PAPPA2: variants seen among roughly 807,000 people sequenced by gnomAD.
The protein encoded by PAPPA2 is pappalysin 2.
In PAPPA2, 86 loss-of-function variants were observed where a neutral mutation model predicts 176.4. The observed-to-expected ratio is 0.49, with a 90% confidence interval of 0.41 to 0.58. PAPPA2 has a LOEUF of 0.58. PAPPA2 is among the 20% of genes least tolerant of loss of function. PAPPA2 has a pLI of 0.00. For missense variants in PAPPA2, 2,073 were observed against 2,256.9 expected (o/e 0.92, Z 1.65); for synonymous variants, 809 against 852.2 (o/e 0.95, Z 0.88).
intron 17 of PAPPA2, among the ~76,000 whole-genome samples, chr1:176,781,334 A>G (rs1383388606): frequency 1.5e-5 from 1 of 65,108 alleles, no homozygotes; most frequent in Non-Finnish European, 3.1e-5. Flanking sequence ...GAGAGGCTCT[A>G]TTTTACATGT....
chr1:176,580,995 T>C (rs978982187), intron 2 of PAPPA2, among the ~76,000 whole-genome samples: 5 of 152,204 alleles, frequency 3.3e-5, no homozygotes, highest in Admixed American at 3.3e-4. Flanking sequence ...TTTTTTCATT[T>C]GTTGCCTGTG....
intron 3 of PAPPA2, among the ~76,000 whole-genome samples, chr1:176,601,021 G>T (rs1654290973): frequency 1.3e-5 from 2 of 152,132 alleles, no homozygotes; most frequent in Admixed American, 6.5e-5. Flanking sequence ...GTCTCCCAAA[G>T]TTCATATGTT....
chr1:176,580,137 T>C (rs1573071916), intron 2 of PAPPA2, among the ~76,000 whole-genome samples: 1 of 152,146 alleles, frequency 6.6e-6, no homozygotes, highest in African/African-American at 2.4e-5. Flanking sequence ...CTGTATCCTT[T>C]AGCAAATTTA....
chr1:176,530,946 C>T (rs1649775829), intron 1 of PAPPA2, among the ~76,000 whole-genome samples: 1 of 152,164 alleles, frequency 6.6e-6, no homozygotes, highest in Admixed American at 6.5e-5. Flanking sequence ...CTACTTCTTG[C>T]TTCCAACTGG....
intron 1 of PAPPA2, among the ~76,000 whole-genome samples, chr1:176,500,087 G>A (rs755100490): frequency 6.7e-6 from 1 of 149,064 alleles, no homozygotes; most frequent in African/African-American, 2.5e-5. Context: ...CAAATCAAAG[G>A]AGAGGTGACA....
intron 1 of PAPPA2, among the ~76,000 whole-genome samples, chr1:176,492,262 A>G (rs1175349015): frequency 6.6e-6 from 1 of 152,204 alleles, no homozygotes; most frequent in Non-Finnish European, 1.5e-5. Flanking sequence ...TTTCTCTGCT[A>G]TGCTGCCTCT....
chr1:176,658,689 C>A (rs559888645), intron 3 of PAPPA2, among the ~76,000 whole-genome samples: 1 of 151,924 alleles, frequency 6.6e-6, no homozygotes, highest in East Asian at 1.9e-4. Context: ...AAAGCAAAAC[C>A]ACACTTGGTG....
chr1:176,583,375 C>T (rs866650416), intron 2 of PAPPA2, among the ~76,000 whole-genome samples: 2 of 152,112 alleles, frequency 1.3e-5, no homozygotes, highest in Middle Eastern at 3.4e-3. Context: ...AATCTTGTCT[C>T]AATACTGCTT....
In PAPPA2 at chr1:176,765,843, T is replaced by C; in HGVS notation, c.4323+6T>C. 1 of 1,612,760 alleles carries C rather than the reference T, an allele frequency of 6.2e-7. No homozygotes were observed. The highest frequency in any genetic ancestry group is 1.1e-5 in the South Asian group (1 of 90,886). ...AGTACATCAGGCCCATGCAGGTGAG[T>C]TGAAAGAACACTATCACCAGGACCA... On this transcript the variant is annotated splice_donor_region_variant and intron_variant, in intron 15 of 22. Transcript: ENST00000367662.
In PAPPA2 at chr1:176,754,943, A is replaced by G. The variant is rs116482253; in HGVS notation, c.4152-10723A>G. ...GGAGATTGAAGTGGCAGCAAACCCAATGCCCAGACCCCTGCTTCTCACTTT... is the reference window on the plus strand; with the variant it reads ...GGAGATTGAAGTGGCAGCAAACCCAGTGCCCAGACCCCTGCTTCTCACTTT... On this transcript the variant is annotated intron_variant, in intron 14 of 22. Coordinates refer to ENST00000367662, the MANE Select transcript of PAPPA2 (RefSeq NM_020318.3). Among the ~76,000 whole-genome samples the G allele has an allele frequency of 6.4e-3, 975 of 152,234 alleles. 4 individuals are homozygous for G. The highest frequency in any genetic ancestry group is 0.023 in the African/African-American group (936 of 41,546).
At chr1:176,510,264 ACAG>A (rs1648514794) in intron 1 of PAPPA2, among the ~76,000 whole-genome samples, 1 of 152,194 alleles carries the variant, frequency 6.6e-6, no homozygotes, top group Non-Finnish European at 1.5e-5. Context: ...CATGTTATGA[ACAG>A]AGCAACAAAG....
chr1:176,570,567 C>T (rs570340046), intron 2 of PAPPA2, among the ~76,000 whole-genome samples: 34 of 151,842 alleles, frequency 2.2e-4, no homozygotes, highest in Non-Finnish European at 4.6e-4. Flanking sequence ...TCTTATAATC[C>T]TTATAATACA....
At position 176,556,648 on chromosome 1, in the gene PAPPA2, C is replaced by T. The variant is rs199877001; in HGVS notation, c.326C>T (p.Pro109Leu). Residue 109 changes from proline to leucine, a missense_variant, in exon 2 of 23, where the codon CCA becomes CTA. By Grantham distance (98) the Pro-to-Leu change is moderately conservative. This residue lies in a region of PAPPA2 where 1,196 missense variants were observed against 1,330.4 expected (regional missense o/e 0.90). Transcript: ENST00000367662. ...GGAAATGCTGTGAGCCTTGTTCCCC[C>T]AGACCTGACTGAAAATCCAGCAGGA... is the stretch of plus-strand genomic sequence containing the variant. ...TEGNAVSLVP[P>L]DLTENPAGLR... 8.1e-6 allele frequency: 13 copies of T among 1,614,050 alleles called. No homozygotes were observed. Among genetic ancestry groups the T allele is most frequent in the East Asian group, 2.2e-5 (1 of 44,878 alleles).
In PAPPA2 at chr1:176,793,744, T is replaced by C; in HGVS notation, c.5130+75T>C. On this transcript the variant is annotated intron_variant, in intron 20 of 22. Coordinates refer to ENST00000367662, the MANE Select transcript of PAPPA2 (RefSeq NM_020318.3). ...ACACTTGGAGCATTATTTTTTGGAG[T>C]AATTTCAGAGGCTTTCAAAGCATCC... is the stretch of plus-strand genomic sequence containing the variant. The C allele has an allele frequency of 5.9e-6, 7 of 1,180,244 alleles. No individual in the cohort carries two copies. In the South Asian group the frequency reaches 9.1e-5, roughly 15 times the overall value. The allele number at this position is 1,180,244 out of a possible 1,614,324, so 73.1% of individuals were successfully genotyped here. A position where few individuals can be genotyped will look rare whatever the true frequency, so the allele number is the denominator to read the frequency against.
At chr1:176,811,272 G>A (rs138975492) in intron 21 of PAPPA2, among the ~76,000 whole-genome samples, 2,242 of 152,268 alleles carry the variant, frequency 0.015, 21 homozygotes, top group Middle Eastern at 0.034. Flanking sequence ...CTTGTGCATT[G>A]TGTGATAGTT....
At chr1:176,631,916 G>A (rs1489509002) in intron 3 of PAPPA2, among the ~76,000 whole-genome samples, 2 of 152,124 alleles carry the variant, frequency 1.3e-5, no homozygotes, top group East Asian at 1.9e-4. Flanking sequence ...GGAAAGTGAT[G>A]GGATCTATTG....
intron 21 of PAPPA2, among the ~76,000 whole-genome samples, chr1:176,826,612 C>T (rs2102979473): frequency 6.6e-6 from 1 of 152,294 alleles, no homozygotes; most frequent in South Asian, 2.1e-4. Context: ...CTGAACTGTC[C>T]ATAGACATGG....
At chr1:176,641,442 AG>A (rs2102728024) in intron 3 of PAPPA2, among the ~76,000 whole-genome samples, 1 of 151,568 alleles carries the variant, frequency 6.6e-6, no homozygotes, top group East Asian at 2.0e-4. Context: ...TTTATTAAAT[AG>A]GGAATCCTTT....
chr1:176,552,997 T>C (rs1051625090), intron 1 of PAPPA2, among the ~76,000 whole-genome samples: 1 of 152,032 alleles, frequency 6.6e-6, no homozygotes, highest in Non-Finnish European at 1.5e-5. Flanking sequence ...TATGTCTATA[T>C]AAATTTGGGT....
Sources: gnomAD v4.1 joint callset for allele counts (sites outside exome capture counted in the v4.1 genomes callset) on GRCh38, gnomAD v4.1.1 for gene constraint, gnomAD v4.1.1 regional missense constraint, MANE v1.5 for transcripts, NCBI Gene and HGNC (gene_info 2026-07-23, HGNC 2026-07-21) for gene names.